LRRIQ1: variants seen among roughly 807,000 people sequenced by gnomAD.
LRRIQ1 encodes the protein leucine rich repeats and IQ motif containing 1, also known as leucine-rich repeat- and IQ domain-containing protein 1.
LRRIQ1 carries 210 observed loss-of-function variants against 211.9 expected under a neutral mutation model. The observed-to-expected ratio is 0.99, with a 90% CI of 0.89 to 1.11. The LOEUF (loss-of-function observed/expected upper bound fraction) is 1.11, where lower values mean the gene tolerates loss of function less well. Ranked by LOEUF, LRRIQ1 falls within the 50% of genes most tolerant of loss-of-function variation. LRRIQ1 has a pLI of 0.00. For missense variants in LRRIQ1, 2,136 were observed against 1,939.5 expected, an observed-to-expected ratio of 1.10 and a Z score of -1.90; for synonymous variants, 699 against 650.1, an observed-to-expected ratio of 1.08 and a Z score of -1.14.
At chr12:85,189,877 TTATA>T (rs1334872484) in intron 24 of LRRIQ1, among the ~76,000 whole-genome samples, 1 of 144,404 alleles carries the variant, frequency 6.9e-6, no homozygotes, top group Non-Finnish European at 1.5e-5. Flanking sequence ...TTATATAAGA[TTATA>T]TATTATATAT....
intron 24 of LRRIQ1, among the ~76,000 whole-genome samples, chr12:85,193,248 G>A (rs1187369567): frequency 2.4e-5 from 3 of 126,892 alleles, no homozygotes; most frequent in Non-Finnish European, 4.8e-5. Flanking sequence ...AAAACACTCT[G>A]CAGGATATTA....
intron 11 of LRRIQ1, among the ~76,000 whole-genome samples, chr12:85,078,983 C>T (rs959321029): frequency 6.6e-6 from 1 of 152,056 alleles, no homozygotes; most frequent in Non-Finnish European, 1.5e-5. Flanking sequence ...TTGTAAATCT[C>T]TTTAATGTCT....
chr12:85,158,819 A>G (rs1468438514), intron 23 of LRRIQ1, among the ~76,000 whole-genome samples: 1 of 151,958 alleles, frequency 6.6e-6, no homozygotes, highest in Non-Finnish European at 1.5e-5. Flanking sequence ...ATGAATAAAA[A>G]CGTGTAACAA....
intron 19 of LRRIQ1, among the ~76,000 whole-genome samples, chr12:85,148,600 G>A (rs754688048): frequency 5.9e-5 from 9 of 151,884 alleles, no homozygotes; most frequent in Non-Finnish European, 1.0e-4. Flanking sequence ...AAATAGTGCT[G>A]CAGTAAACAT....
In LRRIQ1 at chr12:85,061,449, ATATTCAAAAGTAAATACCACT is replaced by A. The variant is rs1386314742; in HGVS notation, c.2392-3812_2392-3792del. ...TAAAGGAGGAAATAGGAAGCTCCTC[ATATTCAAAAGTAAATACCACT>A]AACAAGGATACTGTAGCAGTTACTT... On this transcript the variant is annotated intron_variant, in intron 8 of 26. Transcript: ENST00000393217. Among the ~76,000 whole-genome samples, 17 of 151,904 alleles carry A rather than the reference ATATTCAAAAGTAAATACCACT, an allele frequency of 1.1e-4. No homozygotes were observed. In the South Asian group the frequency reaches 3.3e-3, roughly 30 times the overall value.
At chr12:85,229,183 G>A (rs556534185) in intron 24 of LRRIQ1, among the ~76,000 whole-genome samples, 3 of 152,154 alleles carry the variant, frequency 2.0e-5, no homozygotes, top group Middle Eastern at 3.4e-3. Flanking sequence ...GACAGATAGG[G>A]AACAGATGTT....
At chr12:85,210,212 G>T (rs1222516959) in intron 24 of LRRIQ1, among the ~76,000 whole-genome samples, 2 of 151,982 alleles carry the variant, frequency 1.3e-5, no homozygotes, top group African/African-American at 4.8e-5. Flanking sequence ...TGTATGAATT[G>T]GTCAAAAACC....
At chr12:85,081,314 A>G (rs1183357817) in intron 11 of LRRIQ1, among the ~76,000 whole-genome samples, 2 of 152,154 alleles carry the variant, frequency 1.3e-5, no homozygotes, top group Non-Finnish European at 2.9e-5. Context: ...ATATGTTTAT[A>G]TAATTTTCAG....
At chr12:85,180,310 G>A (rs909029114) in intron 24 of LRRIQ1, among the ~76,000 whole-genome samples, 7 of 151,824 alleles carry the variant, frequency 4.6e-5, no homozygotes, top group Non-Finnish European at 1.0e-4. Context: ...CTGAAAGAAT[G>A]GAAAGGGGTA....
At chr12:85,230,826 G>T (rs1375288524) in intron 25 of LRRIQ1, among the ~76,000 whole-genome samples, 1 of 151,486 alleles carries the variant, frequency 6.6e-6, no homozygotes, top group Non-Finnish European at 1.5e-5. Context: ...GAGGCGGGCG[G>T]ATCACGAGGT....
chr12:85,066,693 TA>T, intron 9 of LRRIQ1, 54 bp from the exon 10 acceptor site: 1 of 1,383,816 alleles, frequency 7.2e-7, no homozygotes, highest in Non-Finnish European at 9.8e-7. Flanking sequence ...AAGCTTTAAA[TA>T]GTTCATTAAT....
rs1295132417 is a variant in LRRIQ1, at chr12:85,124,324, T to C, written c.3812T>C (p.Val1271Ala). The C allele has an allele frequency of 6.2e-7, 1 of 1,613,994 alleles. No individual in the cohort carries two copies. The highest frequency in any genetic ancestry group is 8.5e-7 in the Non-Finnish European group (1 of 1,180,002). Reference sequence around the variant, plus strand: ...ATTCCTGAGAAATGGATGGACTCTGTCTCCAGCCACTCCCCATTAAGCAAA... The same window carrying C: ...ATTCCTGAGAAATGGATGGACTCTGCCTCCAGCCACTCCCCATTAAGCAAA... ...PDIPEKWMDS[V>A]SSHSPLSKSA... Residue 1271 changes from valine to alanine, a missense_variant, in exon 17 of 27, where the codon GTC becomes GCC. By Grantham distance (64) the Val-to-Ala change is moderately conservative. Transcript: ENST00000393217.
At chr12:85,245,689 G>A (rs903784031), downstream of LRRIQ1, among the ~76,000 whole-genome samples, 25 of 150,878 alleles carry the variant, frequency 1.7e-4, no homozygotes, top group African/African-American at 5.8e-4. Flanking sequence ...ACCCTAGAGA[G>A]TTTGAGATCT....
At position 85,098,956 on chromosome 12, in the gene LRRIQ1, G is replaced by T. The variant is rs772045504; in HGVS notation, c.3171G>T (p.Trp1057Cys). The change falls in exon 13 of 27, where the codon TGG becomes TGT. Residue 1057 changes from tryptophan to cysteine, a missense_variant. Physicochemically the swap from Trp to Cys is radical, Grantham distance 215. Coordinates refer to ENST00000393217, the MANE Select transcript of LRRIQ1 (RefSeq NM_001079910.2). ...CTGTGGAAGCATTTTCTTCATACTG[G>T]CTGCCTTTACTACAAAATATTACTA... The part of the protein sequence containing the change: ...ISTVEAFSSY[W>C]LPLLQNITIS... The T allele has an allele frequency of 1.9e-6, 3 of 1,570,360 alleles. No homozygotes were observed. The highest frequency in any genetic ancestry group is 1.4e-5 in the African/African-American group (1 of 72,908).
rs185393915 is a variant in LRRIQ1, at chr12:85,045,801, G to A, written c.337-219G>A. Among the ~76,000 whole-genome samples, 419 of 152,042 alleles carry A rather than the reference G, an allele frequency of 2.8e-3. 2 individuals carry two copies. The highest frequency in any genetic ancestry group is 3.6e-3 in the Non-Finnish European group (247 of 67,890). ...AATATTAAAGACTTATTAGAGTTCC[G>A]AAAAACATAAGGAGGGTTACTAATG... On this transcript the variant is annotated intron_variant, in intron 4 of 26. Transcript: ENST00000393217.
chr12:85,093,822 A>T (rs1885628600), intron 11 of LRRIQ1, among the ~76,000 whole-genome samples: 1 of 152,140 alleles, frequency 6.6e-6, no homozygotes, highest in African/African-American at 2.4e-5. Flanking sequence ...TTTGAAAGAG[A>T]CTGAGCCAAG....
Position 85,057,143 on chromosome 12 carries a change from C to A in LRRIQ1, c.2350C>A (p.Leu784Met). The A allele has an allele frequency of 6.4e-7, 1 of 1,566,410 alleles. No individual in the cohort carries two copies. The highest frequency in any genetic ancestry group is 1.2e-5 in the South Asian group (1 of 81,974). ...CAACATGACACCCGCTTTGGATAAACTGGAAATTCTTCGATGTGGCCCTTG... is the reference window on the plus strand; with the variant it reads ...CAACATGACACCCGCTTTGGATAAAATGGAAATTCTTCGATGTGGCCCTTG... The part of the protein sequence containing the change: ...PANMTPALDK[L>M]EILRCGPWDT... Residue 784 changes from leucine to methionine, a missense_variant, in exon 8 of 27, where the codon CTG (leucine) becomes ATG (methionine). Leu to Met is a conservative substitution (Grantham distance 15). Coordinates refer to ENST00000393217, the MANE Select transcript of LRRIQ1 (RefSeq NM_001079910.2).
At chr12:85,092,037 G>A (rs1044311569) in intron 11 of LRRIQ1, among the ~76,000 whole-genome samples, 12 of 152,126 alleles carry the variant, frequency 7.9e-5, no homozygotes, top group Admixed American at 2.0e-4. Context: ...TCATAGGAGC[G>A]TGAATCCTAT....
At chr12:85,148,666 G>A (rs1252021792) in intron 19 of LRRIQ1, among the ~76,000 whole-genome samples, 1 of 151,950 alleles carries the variant, frequency 6.6e-6, no homozygotes. Context: ...TATATACCTA[G>A]TAATGAGATT....
Sources: gnomAD v4.1 joint callset for allele counts (sites outside exome capture counted in the v4.1 genomes callset) on GRCh38, gnomAD v4.1.1 for gene constraint, MANE v1.5 for transcripts, NCBI Gene and HGNC (gene_info 2026-07-23, HGNC 2026-07-21) for gene names.